The following PCDHGA3 variants were observed in gnomAD, a reference collection of about 807,000 sequenced individuals.
PCDHGA3 encodes protocadherin gamma-A3.
Under a neutral mutation model 58.5 loss-of-function variants are expected in PCDHGA3, and 40 were observed. That is an observed-to-expected ratio of 0.68 (90% CI 0.53 to 0.89). PCDHGA3 has a LOEUF of 0.89. Among genes scored for constraint, PCDHGA3 ranks in the 40% least tolerant of loss-of-function variants. The pLI is 0.00. For synonymous variants in PCDHGA3, 530 were observed against 525.7 expected, an observed-to-expected ratio of 1.01 and a Z score of -0.11; for missense variants, 1,223 against 1,195.9, an observed-to-expected ratio of 1.02 and a Z score of -0.33.
chr5:141,378,347 A>AC (rs1159176401), intron 1 of PCDHGA3: 1 of 152,134 alleles, frequency 6.6e-6, no homozygotes, highest in Non-Finnish European at 1.5e-5. Flanking sequence ...ACATGGTGAA[A>AC]CCCCGTCTCT....
At chr5:141,403,513 T>C (rs754840157) in intron 1 of PCDHGA3, 1 of 1,613,714 alleles carries the variant, frequency 6.2e-7, no homozygotes, top group East Asian at 2.2e-5. Flanking sequence ...CTGGAGACAA[T>C]GGAGCCATAA....
intron 2 of PCDHGA3, among the ~76,000 whole-genome samples, chr5:141,495,968 CTGTTACTCTTTCTT>C (rs1033811907): frequency 6.6e-6 from 1 of 152,126 alleles, no homozygotes; most frequent in African/African-American, 2.4e-5. Context: ...GCCTCTTTCT[CTGTTACTCTTTCTT>C]TATCTCTCTT....
Position 141,489,772 on chromosome 5 carries a change from T to C in PCDHGA3, c.2425-5035T>C, listed in dbSNP as rs1327700197. 6.2e-7 allele frequency: 1 copy of C among 1,614,154 alleles called. No individual in the cohort carries two copies. The highest frequency in any genetic ancestry group is 8.5e-7 in the Non-Finnish European group (1 of 1,179,994). ...TTACACTCTAAGCCCCAACAGCCAC[T>C]TCTCTCTGAATGTGAAGACCCTAAA... On this transcript the variant is annotated intron_variant, in intron 1 of 3. Coordinates refer to ENST00000253812, the MANE Select transcript of PCDHGA3 (RefSeq NM_018916.4). This position sits in a 1 kb window ranked among gnomAD's most constrained non-coding sequence, Gnocchi z 4.5.
intron 3 of PCDHGA3, 146 bp from the exon 4 acceptor site, chr5:141,510,801 A>G: frequency 6.7e-7 from 1 of 1,489,832 alleles, no homozygotes; most frequent in Non-Finnish European, 9.1e-7. Flanking sequence ...AAGAGAGACT[A>G]CCTTGGTGAC....
chr5:141,437,262 G>A (rs1490690532), intron 1 of PCDHGA3, among the ~76,000 whole-genome samples: 1 of 152,152 alleles, frequency 6.6e-6, no homozygotes, highest in Non-Finnish European at 1.5e-5. Flanking sequence ...CTTTTTATGT[G>A]TATGACAGAT....
chr5:141,423,230 G>C (rs1223173152), intron 1 of PCDHGA3: 1 of 1,613,872 alleles, frequency 6.2e-7, no homozygotes, highest in Admixed American at 1.7e-5. Context: ...GTGGCCGACA[G>C]CATCCCCGAA....
intron 1 of PCDHGA3, chr5:141,389,468 C>T (rs772524229): frequency 1.2e-6 from 2 of 1,613,294 alleles, no homozygotes; most frequent in East Asian, 2.2e-5. Context: ...CCTTCGAACT[C>T]ACACTGCAGG....
rs778008159 is a variant in PCDHGA3, at chr5:141,356,201, T to C, written c.2424+9744T>C. The C allele has an allele frequency of 6.4e-5, 103 of 1,607,808 alleles. No individual in the cohort carries two copies. Among genetic ancestry groups the C allele is most frequent in the Middle Eastern group, 1.7e-4 (1 of 6,056 alleles). On this transcript the variant is annotated intron_variant, in intron 1 of 3. Transcript: ENST00000253812. Reference sequence around the variant, plus strand: ...GGTCTCCGAGCTAGAAGCAAGGTACTGGTGACAGTTCTGGATGAAAATGAC... The same window carrying C: ...GGTCTCCGAGCTAGAAGCAAGGTACCGGTGACAGTTCTGGATGAAAATGAC...
Position 141,476,667 on chromosome 5 carries a change from T to C in PCDHGA3, c.2425-18140T>C. 6.2e-7 allele frequency: 1 copy of C among 1,614,234 alleles called. No individual in the cohort carries two copies. Among genetic ancestry groups the C allele is most frequent in the Non-Finnish European group, 8.5e-7 (1 of 1,180,042 alleles). ...CGAAATGAATACTTTGCGCTTCGCG[T>C]GCAGACGCGGGAGGACAGCACCAAG... On this transcript the variant is annotated intron_variant, in intron 1 of 3. Transcript: ENST00000253812. The surrounding 1 kb of genome is among the most constrained non-coding windows in gnomAD (Gnocchi z 7.6).
chr5:141,371,540 C>A, intron 1 of PCDHGA3: 1 of 1,613,728 alleles, frequency 6.2e-7, no homozygotes, highest in Non-Finnish European at 8.5e-7. Flanking sequence ...ATGGAGAAAT[C>A]CTATGCCAAC....
rs1241912384 is a variant in PCDHGA3 at position 141,404,765 on chromosome 5, T to C, written c.2424+58308T>C. ...AGACTCAGGCCAGAATGCTTGGCTC[T>C]CCTACCGCCTATTCAAGGCCAGTGA... On this transcript the variant is annotated intron_variant, in intron 1 of 3. Coordinates refer to ENST00000253812, the MANE Select transcript of PCDHGA3 (RefSeq NM_018916.4). 2.5e-6 allele frequency: 4 copies of C among 1,613,120 alleles called. No individual in the cohort carries two copies. The Admixed American group carries it at 6.7e-5, about 27-fold the overall frequency.
chr5:141,495,726 C>T (rs2099763293), intron 2 of PCDHGA3, among the ~76,000 whole-genome samples: 1 of 152,070 alleles, frequency 6.6e-6, no homozygotes, highest in Non-Finnish European at 1.5e-5. Flanking sequence ...ACACGGGACC[C>T]TTAGTCTCTT....
intron 1 of PCDHGA3, chr5:141,388,966 G>A: frequency 1.2e-6 from 2 of 1,614,014 alleles, no homozygotes; most frequent in Non-Finnish European, 1.7e-6. Flanking sequence ...GCCGAGCTGG[G>A]AACACATATT....
At position 141,409,627 on chromosome 5, in the gene PCDHGA3, C is replaced by A. The variant is rs761778894; in HGVS notation, c.2424+63170C>A. ...CAGGAGCCTCCATTGCGCAAGTGAG[C>A]GCCTCTGACCCGGATTTGGGGCTCA... On this transcript the variant is annotated intron_variant, in intron 1 of 3. Coordinates refer to ENST00000253812, the MANE Select transcript of PCDHGA3 (RefSeq NM_018916.4). 5.0e-5 allele frequency: 80 copies of A among 1,613,716 alleles called. No individual in the cohort carries two copies. The Admixed American group carries it at 1.2e-3, about 24-fold the overall frequency.
At chr5:141,346,999 T>C (rs906350412) in intron 1 of PCDHGA3, among the ~76,000 whole-genome samples, 2 of 149,218 alleles carry the variant, frequency 1.3e-5, no homozygotes, top group African/African-American at 5.2e-5. Context: ...TTTTTCTTTC[T>C]CCTTCCTTCC....
chr5:141,489,300 C>G lies in PCDHGA3; in HGVS notation c.2425-5507C>G. The G allele has an allele frequency of 6.3e-7, 1 of 1,585,700 alleles. No individual in the cohort carries two copies. The highest frequency in any genetic ancestry group is 1.2e-5 in the South Asian group (1 of 85,012). Reference sequence around the variant, plus strand: ...AATGGCAAGTGCTGTGCATGTTGTCCTTGTGCTGCTGGGGCTGGGTGTCTG... The same window carrying G: ...AATGGCAAGTGCTGTGCATGTTGTCGTTGTGCTGCTGGGGCTGGGTGTCTG... On this transcript the variant is annotated intron_variant, in intron 1 of 3. Coordinates refer to ENST00000253812, the MANE Select transcript of PCDHGA3 (RefSeq NM_018916.4). This position sits in a 1 kb window ranked among gnomAD's most constrained non-coding sequence, Gnocchi z 4.5.
intron 1 of PCDHGA3, chr5:141,426,340 C>A: frequency 5.3e-6 from 1 of 190,288 alleles, no homozygotes; most frequent in Non-Finnish European, 1.1e-5. Flanking sequence ...AGCACTCTTC[C>A]CTTTCCTGCT....
At position 141,351,252 on chromosome 5, in the gene PCDHGA3, T is replaced by C. The variant is rs755083201; in HGVS notation, c.2424+4795T>C. ...CACACAGCTCACTGTAATGTTCAAA[T>C]AGAAATTGTTGACGAGAATGACAAT... On this transcript the variant is annotated intron_variant, in intron 1 of 3. Transcript: ENST00000253812. 5.6e-6 allele frequency: 9 copies of C among 1,613,836 alleles called. No individual in the cohort carries two copies. The South Asian group carries it at 9.9e-5, about 18-fold the overall frequency.
chr5:141,365,231 A>G, intron 1 of PCDHGA3: 1 of 1,613,980 alleles, frequency 6.2e-7, no homozygotes, highest in Non-Finnish European at 8.5e-7. Flanking sequence ...CCTGGGGGAA[A>G]TCTCAACTCT....
Sources: allele counts gnomAD v4.1 joint callset (sites outside exome capture counted in the v4.1 genomes callset), GRCh38; gene constraint gnomAD v4.1.1; non-coding constraint Gnocchi (gnomAD v3.1); transcripts MANE v1.5; gene names NCBI Gene and HGNC (gene_info 2026-07-23, HGNC 2026-07-21).